The following NLN variants were observed in gnomAD, a reference collection of about 807,000 sequenced individuals.
NLN encodes the protein neurolysin, mitochondrial.
Under a neutral mutation model 79.9 loss-of-function variants are expected in NLN, and 64 were observed. The observed-to-expected ratio is 0.80, with a 90% CI of 0.65 to 0.99. The LOEUF is 0.99. Among genes scored for constraint, NLN ranks in the 50% least tolerant of loss-of-function variants. The pLI is 0.00. For synonymous variants in NLN, 267 were observed against 296.6 expected (o/e 0.90, Z 1.02); for missense variants, 835 against 858.7 (o/e 0.97, Z 0.34).
At position 65,827,111 on chromosome 5, in the gene NLN, C is replaced by CT. The variant is rs1760934134; in HGVS notation, c.*4202dup. ...GATGTAAATATTAGACCAAAATAGC[C>CT]TTTTTTAACAAACACAATAATGCTG... On this transcript the variant is annotated 3_prime_UTR_variant, in exon 13 of 13. Transcript: ENST00000380985. 1 of 151,470 alleles carries CT rather than the reference C, an allele frequency of 6.6e-6. No individual in the cohort carries two copies. Among genetic ancestry groups the CT allele is most frequent in the Admixed American group, 6.6e-5 (1 of 15,150 alleles). 9.4% of individuals were successfully genotyped at this position (151,470 alleles called of 1,614,324 possible).
rs888767540 is a variant in NLN at position 65,780,335 on chromosome 5, AC to A, written c.661+56del. The A allele has an allele frequency of 2.5e-5, 17 of 669,072 alleles. No homozygotes were observed. In the Admixed American group the frequency reaches 3.2e-4, roughly 13 times the overall value. 41.4% of individuals were successfully genotyped at this position (669,072 alleles called of 1,614,324 possible). A position where few individuals can be genotyped will look rare whatever the true frequency, so the allele number is the denominator to read the frequency against. Reference sequence around the variant, plus strand: ...TCATATAATTTAGGCAAATAGTGTTACCTCACAGTTTGTTTTACTTTCCAGA... The same window carrying A: ...TCATATAATTTAGGCAAATAGTGTTACTCACAGTTTGTTTTACTTTCCAGA... On this transcript the variant is annotated intron_variant, in intron 5 of 12. Transcript: ENST00000380985.
chr5:65,812,885 G>C (rs1289350879), intron 12 of NLN, among the ~76,000 whole-genome samples: 1 of 152,098 alleles, frequency 6.6e-6, no homozygotes, highest in Non-Finnish European at 1.5e-5. Flanking sequence ...AAGTTGCTTC[G>C]TTAACCTGAG....
chr5:65,734,198 G>A lies in NLN; in HGVS notation c.41+11784G>A, dbSNP rs1167771932. 6.5e-5 allele frequency among the ~76,000 whole-genome samples: 9 copies of A among 139,426 alleles called. 2 individuals carry two copies. The highest frequency in any genetic ancestry group is 4.9e-4 in the Admixed American group (7 of 14,268). 91.5% of individuals were successfully genotyped at this position (139,426 alleles called of 152,430 possible). ...ATTTTTAGTAGAGACAGGGTTTCAC[G>A]ATGTTGGAGGAGGCTGGCCTCAAAC... is the stretch of plus-strand genomic sequence containing the variant. On this transcript the variant is annotated intron_variant, in intron 1 of 12. Transcript: ENST00000380985.
chr5:65,738,997 T>TAAATATATAATAGATATATAAA (rs397725018), intron 1 of NLN, among the ~76,000 whole-genome samples: 1 of 114,124 alleles, frequency 8.8e-6, no homozygotes, highest in African/African-American at 3.3e-5. Context: ...TTTATATATA[T>TAAATATATAATAGATATATAAA]TTTATAATAT....
chr5:65,753,049 G>A (rs1008189543), intron 1 of NLN, among the ~76,000 whole-genome samples: 16 of 152,082 alleles, frequency 1.1e-4, no homozygotes, highest in Admixed American at 2.6e-4. Flanking sequence ...ATATGTGTCC[G>A]GCCGAGGTGG....
At position 65,733,540 on chromosome 5, in the gene NLN, T is replaced by C. The variant is rs1166586662; in HGVS notation, c.41+11126T>C. On this transcript the variant is annotated intron_variant, in intron 1 of 12. Coordinates refer to ENST00000380985, the MANE Select transcript of NLN (RefSeq NM_020726.5). ...ATCCTTGCCCCAATTCGGGCTGAGCTGATGTGTACAGTCAGGGAAGTCAGG... is the reference window on the plus strand; with the variant it reads ...ATCCTTGCCCCAATTCGGGCTGAGCCGATGTGTACAGTCAGGGAAGTCAGG... 11 of 1,475,076 alleles carry C rather than the reference T, an allele frequency of 7.5e-6. 1 individual carries two copies. The South Asian group carries it at 1.3e-4, about 17-fold the overall frequency. 91.4% of individuals were successfully genotyped at this position (1,475,076 alleles called of 1,614,324 possible).
At position 65,794,005 on chromosome 5, in the gene NLN, C is replaced by T. The variant is rs574522430; in HGVS notation, c.1527+1350C>T. ...TTCTTAAATCCATACGGTGTCCTCA[C>T]TGAATATAAATAGAAGAAATTTTTG... On this transcript the variant is annotated intron_variant, in intron 9 of 12. Coordinates refer to ENST00000380985, the MANE Select transcript of NLN (RefSeq NM_020726.5). 8.5e-5 allele frequency among the ~76,000 whole-genome samples: 13 copies of T among 152,260 alleles called. No individual in the cohort carries two copies. The South Asian group carries it at 2.7e-3, about 32-fold the overall frequency.
At position 65,722,289 on chromosome 5, in the gene NLN, C is replaced by G. The variant is rs1758322378; in HGVS notation, c.-85C>G. 8.9e-6 allele frequency: 10 copies of G among 1,119,286 alleles called. No homozygotes were observed. The South Asian group carries it at 1.6e-4, about 18-fold the overall frequency. The allele number at this position is 1,119,286 out of a possible 1,614,324, so 69.3% of individuals were successfully genotyped here. Reference sequence around the variant, plus strand: ...TCTGCGGCTAGGCCGGCTCGAGACTCCCGGGCGCCCAGGCGCTGCCGCCCG... The same window carrying G: ...TCTGCGGCTAGGCCGGCTCGAGACTGCCGGGCGCCCAGGCGCTGCCGCCCG... On this transcript the variant is annotated 5_prime_UTR_variant, in exon 1 of 13. Transcript: ENST00000380985.
Position 65,722,206 on chromosome 5 carries a change from G to A in NLN, c.-168G>A. 5.8e-6 allele frequency: 2 copies of A among 347,742 alleles called. No individual in the cohort carries two copies. The highest frequency in any genetic ancestry group is 1.0e-5 in the Non-Finnish European group (2 of 197,998). The allele number at this position is 347,742 out of a possible 1,614,324, so 21.5% of individuals were successfully genotyped here. On this transcript the variant is annotated 5_prime_UTR_variant, in exon 1 of 13. Transcript: ENST00000380985. ...GGCACGGCGCGGGGCGGGGCTGGTAGGCGCCGGCGTGGAGCTGCCGCACGT... is the reference window on the plus strand; with the variant it reads ...GGCACGGCGCGGGGCGGGGCTGGTAAGCGCCGGCGTGGAGCTGCCGCACGT...
chr5:65,826,071 G>A lies in NLN; in HGVS notation c.*3156G>A, dbSNP rs952166978. The stretch of plus-strand genomic sequence containing the variant: ...CACAATCCACATGCTGGTAAATTTG[G>A]TTCGTGGTGAGGCCCCTCTTCCTCT... On this transcript the variant is annotated 3_prime_UTR_variant, in exon 13 of 13. Transcript: ENST00000380985. 2 of 152,194 alleles carry A rather than the reference G, an allele frequency of 1.3e-5. No homozygotes were observed. Among genetic ancestry groups the A allele is most frequent in the South Asian group, 4.1e-4 (2 of 4,830 alleles). The allele number at this position is 152,194 out of a possible 1,614,324, so 9.4% of individuals were successfully genotyped here.
chr5:65,741,947 A>G (rs1758877228), intron 1 of NLN, among the ~76,000 whole-genome samples: 1 of 152,162 alleles, frequency 6.6e-6, no homozygotes, highest in African/African-American at 2.4e-5. Context: ...ATCTTTTGTT[A>G]CTTATTTTTT....
intron 3 of NLN, 34 bp from the exon 4 acceptor site, chr5:65,777,393 C>G (rs1561197212): frequency 1.5e-6 from 2 of 1,378,126 alleles, no homozygotes; most frequent in African/African-American, 2.9e-5. Context: ...TGCACTGTTT[C>G]AACCGAAATG....
intron 8 of NLN, among the ~76,000 whole-genome samples, chr5:65,790,009 A>G (rs1760021104): frequency 6.6e-6 from 1 of 152,200 alleles, no homozygotes; most frequent in South Asian, 2.1e-4. Flanking sequence ...TGTGCAAATC[A>G]TCTTCCCCAG....
chr5:65,802,745 C>T (rs982758824), intron 9 of NLN, among the ~76,000 whole-genome samples: 1 of 152,156 alleles, frequency 6.6e-6, no homozygotes, highest in African/African-American at 2.4e-5. Flanking sequence ...CTCTCCACAA[C>T]CAGGGTGTAC....
At chr5:65,764,995 G>A (rs1041765874) in intron 3 of NLN, among the ~76,000 whole-genome samples, 8 of 152,062 alleles carry the variant, frequency 5.3e-5, no homozygotes, top group African/African-American at 1.2e-4. Context: ...TATCCCATTC[G>A]TACCTAAAGG....
At chr5:65,812,613 T>C (rs749952571) in intron 12 of NLN, among the ~76,000 whole-genome samples, 1 of 152,226 alleles carries the variant, frequency 6.6e-6, no homozygotes. Context: ...TTCTTGCTTA[T>C]TAACATTCTG....
In NLN at chr5:65,781,241, G is replaced by A. The variant is rs2150757313; in HGVS notation, c.662-20G>A. On this transcript the variant is annotated intron_variant, in intron 5 of 12. Transcript: ENST00000380985. Reference sequence around the variant, plus strand: ...GCAATGAGTGGAAAATTTGATATATGAGAAAATGATTTTTTGCAGGTGCTC... The same window carrying A: ...GCAATGAGTGGAAAATTTGATATATAAGAAAATGATTTTTTGCAGGTGCTC... The A allele has an allele frequency of 4.4e-6, 7 of 1,581,356 alleles. No homozygotes were observed. The highest frequency in any genetic ancestry group is 6.1e-6 in the Non-Finnish European group (7 of 1,156,896).
chr5:65,740,311 T>C (rs530203469), intron 1 of NLN, among the ~76,000 whole-genome samples: 2 of 152,184 alleles, frequency 1.3e-5, no homozygotes, highest in African/African-American at 2.4e-5. Flanking sequence ...AACTGGCTCC[T>C]ATGACAGATC....
intron 9 of NLN, among the ~76,000 whole-genome samples, chr5:65,794,611 A>C (rs1760131870): frequency 6.6e-6 from 1 of 151,394 alleles, no homozygotes; most frequent in African/African-American, 2.4e-5. Flanking sequence ...TCTCAAAAGA[A>C]AAAAAAAATG....
Sources: allele counts gnomAD v4.1 joint callset (sites outside exome capture counted in the v4.1 genomes callset), GRCh38; gene constraint gnomAD v4.1.1; transcripts MANE v1.5; gene names NCBI Gene and HGNC (gene_info 2026-07-23, HGNC 2026-07-21).